Variants in PFKM observed in about 807,000 individuals in gnomAD.
PFKM encodes ATP-dependent 6-phosphofructokinase, muscle type.
In PFKM, 58 loss-of-function variants were observed where a neutral mutation model predicts 95.5. The observed-to-expected ratio is 0.61, with a 90% confidence interval of 0.49 to 0.76. The LOEUF (loss-of-function observed/expected upper bound fraction) is 0.76, where lower values mean the gene tolerates loss of function less well. PFKM is among the 30% of genes least tolerant of loss of function. The probability of loss-of-function intolerance (pLI) is 0.00; values close to 1 mark genes in which losing one functional copy is unlikely to be tolerated. For synonymous variants in PFKM, 336 were observed against 357.2 expected (o/e 0.94, Z 0.67); for missense variants, 678 against 1,005.4 (o/e 0.67, Z 4.40).
chr12:48,144,285 A>AT, intron 20 of PFKM, 128 bp downstream of exon 20: 2 of 730,214 alleles, frequency 2.7e-6, no homozygotes, highest in Non-Finnish European at 5.0e-6. Flanking sequence ...CAGTGCCATC[A>AT]TAGAGCATGG....
At chr12:48,128,089 G>A (rs978652886) in intron 2 of PFKM, among the ~76,000 whole-genome samples, 3 of 151,984 alleles carry the variant, frequency 2.0e-5, no homozygotes. Context: ...CTTTATTTGT[G>A]CTATTCCCTC....
chr12:48,122,481 G>A, intron 1 of PFKM: 3 of 840,456 alleles, frequency 3.6e-6, no homozygotes, highest in Non-Finnish European at 3.2e-6. Flanking sequence ...TCTTTTCCCT[G>A]ACCTTAGTTT....
chr12:48,143,055 T>C (rs1032510801), intron 18 of PFKM, 109 bp downstream of exon 18: 66 of 1,058,262 alleles, frequency 6.2e-5, no homozygotes, highest in Non-Finnish European at 8.4e-5. Context: ...GATTGGTCTG[T>C]AGAATCCTGT....
chr12:48,118,492 G>T (rs754387611), upstream of PFKM: 1 of 1,486,950 alleles, frequency 6.7e-7, no homozygotes, highest in African/African-American at 1.4e-5. Flanking sequence ...AATGTGCAGA[G>T]GTAGAGATAC....
At chr12:48,108,296 A>T (rs1050508691) in intron 3 of PFKM, 3 of 1,017,506 alleles carry the variant, frequency 2.9e-6, no homozygotes, top group Non-Finnish European at 4.2e-6. Flanking sequence ...CTAAAGCTGA[A>T]ATATAAGACC....
At chr12:48,138,189 G>A (rs890823569) in intron 11 of PFKM, among the ~76,000 whole-genome samples, 14 of 152,112 alleles carry the variant, frequency 9.2e-5, no homozygotes, top group Admixed American at 5.2e-4. Context: ...AAGAACAGGA[G>A]AATATTATTA....
upstream of PFKM, chr12:48,105,837 A>C (rs995293588): frequency 8.4e-6 from 5 of 597,490 alleles, no homozygotes; most frequent in African/African-American, 5.6e-5. Flanking sequence ...CGGCGGCCAC[A>C]GCGCGGCCAC....
intron 3 of PFKM, among the ~76,000 whole-genome samples, chr12:48,111,733 C>T (rs1346171128): frequency 2.0e-5 from 3 of 151,982 alleles, no homozygotes; most frequent in Admixed American, 6.6e-5. Flanking sequence ...GAGTGAATAT[C>T]GGGTGGATCA....
In PFKM at chr12:48,122,868, G is replaced by A. The variant is rs777960882; in HGVS notation, c.85+9G>A. 6.2e-7 allele frequency: 1 copy of A among 1,613,490 alleles called. No individual in the cohort carries two copies. The highest frequency in any genetic ancestry group is 1.7e-4 in the Middle Eastern group (1 of 6,060). On this transcript the variant is annotated intron_variant, in intron 2 of 22. Coordinates refer to ENST00000359794, the MANE Select transcript of PFKM (RefSeq NM_000289.6). ...TGGTGGAGATGCCCAAGGTAAGGAG[G>A]AGGGGACAAAAAACATGGCTGGTGG...
At chr12:48,136,680 T>C (rs1461843905) in intron 10 of PFKM, among the ~76,000 whole-genome samples, 2 of 148,774 alleles carry the variant, frequency 1.3e-5, no homozygotes, top group South Asian at 4.2e-4. Flanking sequence ...TACCAGCATT[T>C]GGGGGTCGTC....
At chr12:48,106,199 C>A (rs188020136) in intron 1 of PFKM, 96 of 675,922 alleles carry the variant, frequency 1.4e-4, no homozygotes, top group South Asian at 2.6e-4. Context: ...ACCAGTGGGG[C>A]GCCTGCGCGG....
intron 18 of PFKM, 96 bp from the exon 19 acceptor site, chr12:48,143,644 CTCTCTTCCATGTG>C: frequency 1.2e-6 from 1 of 832,856 alleles, no homozygotes; most frequent in Non-Finnish European, 2.1e-6. Context: ...TTGTAAACAA[CTCTCTTCCATGTG>C]TCTCTTCCTT....
At chr12:48,124,877 G>A (rs1053003218) in intron 2 of PFKM, among the ~76,000 whole-genome samples, 3 of 152,184 alleles carry the variant, frequency 2.0e-5, no homozygotes, top group Non-Finnish European at 2.9e-5. Flanking sequence ...TTCAGAAGTC[G>A]CCTGCCCAGA....
chr12:48,125,091 C>A (rs1181428645), intron 2 of PFKM, among the ~76,000 whole-genome samples: 1 of 152,102 alleles, frequency 6.6e-6, no homozygotes, highest in Non-Finnish European at 1.5e-5. Flanking sequence ...ATCAGACATC[C>A]TGAGCTCAAA....
At position 48,135,301 on chromosome 12, in the gene PFKM, A is replaced by G. The variant is rs749193861; in HGVS notation, c.854A>G (p.Lys285Arg). Residue 285 changes from lysine to arginine, a missense_variant, in exon 10 of 23, where the codon AAG (lysine) becomes AGG (arginine). Transcript: ENST00000359794. ...TSEDIKNLVV[K>R]RLGYDTRVTV... ...TGTTGGTCCCTTCAGCTGGTGGTTA[A>G]GCGTCTGGGATATGACACCCGGGTT... 1.2e-6 allele frequency: 2 copies of G among 1,613,906 alleles called. No individual in the cohort carries two copies. Among genetic ancestry groups the G allele is most frequent in the Admixed American group, 1.7e-5 (1 of 60,028 alleles).
chr12:48,145,282 C>T lies in PFKM; in HGVS notation c.2165C>T (p.Pro722Leu). 1 of 1,614,066 alleles carries T rather than the reference C, an allele frequency of 6.2e-7. No individual in the cohort carries two copies. Among genetic ancestry groups the T allele is most frequent in the Non-Finnish European group, 8.5e-7 (1 of 1,179,930 alleles). Residue 722 changes from proline (P) to leucine (L), a missense_variant, in exon 22 of 23, where the codon CCA (proline) becomes CTA (leucine). Coordinates refer to ENST00000359794, the MANE Select transcript of PFKM (RefSeq NM_000289.6). This position sits in a 1 kb window ranked among gnomAD's most constrained non-coding sequence, Gnocchi z 4.3. ...GMRKRALVFQ[P>L]VAELKDQTDF... ...CGTAAGAGGGCTCTGGTCTTCCAAC[C>T]AGTGGCTGAGCTGAAGGACCAGACA...
chr12:48,112,739 A>T (rs561221604), intron 3 of PFKM, among the ~76,000 whole-genome samples: 2 of 152,330 alleles, frequency 1.3e-5, no homozygotes, highest in South Asian at 4.1e-4. Context: ...ATCCTGAACT[A>T]ACCTGTAAGG....
At chr12:48,119,516 A>G in intron 1 of PFKM, 110 bp downstream of exon 1, 4 of 588,308 alleles carry the variant, frequency 6.8e-6, no homozygotes, top group Non-Finnish European at 8.6e-6. Flanking sequence ...AAAGGAAAAG[A>G]AGAGATACGG....
intron 3 of PFKM, among the ~76,000 whole-genome samples, chr12:48,111,552 G>GC (rs1947187536): frequency 6.6e-6 from 1 of 152,240 alleles, no homozygotes; most frequent in South Asian, 2.1e-4. Context: ...AGTTCAGCTT[G>GC]CTGAGAGGTA....
Sources: allele counts gnomAD v4.1 joint callset (sites outside exome capture counted in the v4.1 genomes callset), GRCh38; gene constraint gnomAD v4.1.1; non-coding constraint Gnocchi (gnomAD v3.1); transcripts MANE v1.5; gene names NCBI Gene and HGNC (gene_info 2026-07-23, HGNC 2026-07-21).